Variants in INTS13 observed in about 807,000 individuals in gnomAD.
INTS13 encodes integrator complex subunit 13.
A neutral mutation model predicts 90.2 loss-of-function variants in INTS13; 35 were observed. That is an observed-to-expected ratio of 0.39 (90% CI 0.30 to 0.51). The LOEUF (loss-of-function observed/expected upper bound fraction) is 0.51, where lower values mean the gene tolerates loss of function less well. Among genes scored for constraint, INTS13 ranks in the 20% least tolerant of loss-of-function variants. INTS13 has a pLI of 0.80. For missense variants in INTS13, 601 were observed against 851.2 expected (o/e 0.71, Z 3.66); for synonymous variants, 309 against 277.1 (o/e 1.11, Z -1.14).
At chr12:26,915,154 A>G (rs1951896063) in intron 11 of INTS13, among the ~76,000 whole-genome samples, 1 of 152,184 alleles carries the variant, frequency 6.6e-6, no homozygotes, top group Non-Finnish European at 1.5e-5. Flanking sequence ...TAAACCCAGG[A>G]GGCAGAGGTT....
chr12:26,910,206 T>A (rs1951732293), intron 15 of INTS13, among the ~76,000 whole-genome samples: 2 of 152,222 alleles, frequency 1.3e-5, no homozygotes, highest in Non-Finnish European at 2.9e-5. Context: ...ATATTACATA[T>A]TTCTAGGTTT....
At position 26,906,323 on chromosome 12, in the gene INTS13, T is replaced by G. The variant is rs1325957211; in HGVS notation, c.2060A>C (p.Gln687Pro). 1.2e-6 allele frequency: 2 copies of G among 1,603,916 alleles called. No homozygotes were observed. The highest frequency in any genetic ancestry group is 1.7e-6 in the Non-Finnish European group (2 of 1,176,900). The part of the protein sequence containing the change: ...NSVNNRAELY[Q>P]HLKEENGMET... ...AAACCCATTTTCCTCTTTAAGATGT[T>G]GATATAGTTCAGCTCTGTTATTAAC... The change falls in exon 16 of 17, where the codon CAA becomes CCA. Residue 687 changes from glutamine to proline, a missense_variant. Physicochemically the swap from Gln to Pro is moderately conservative, Grantham distance 76 (BLOSUM62 -1). Around this residue, in one of 3 missense-constraint regions of INTS13, gnomAD observed 228 missense variants for 272.5 expected, o/e 0.84. Transcript: ENST00000261191.
chr12:26,912,876 C>T (rs961614226), intron 14 of INTS13, among the ~76,000 whole-genome samples: 3 of 152,028 alleles, frequency 2.0e-5, no homozygotes, highest in Non-Finnish European at 2.9e-5. Context: ...TACAGGCATG[C>T]ACCCCCATAC....
intron 10 of INTS13, among the ~76,000 whole-genome samples, chr12:26,916,788 T>A (rs532987262): frequency 6.6e-6 from 1 of 152,272 alleles, no homozygotes; most frequent in South Asian, 2.1e-4. Context: ...TAATTTGGAA[T>A]CAAATAATTA....
intron 15 of INTS13, among the ~76,000 whole-genome samples, chr12:26,910,690 AT>A (rs1273107790): frequency 6.6e-6 from 1 of 152,106 alleles, no homozygotes; most frequent in African/African-American, 2.4e-5. Flanking sequence ...AGTCTTGGGT[AT>A]TTTTATCTTT....
At chr12:26,914,258 C>T (rs957897534) in intron 12 of INTS13, 130 bp from the exon 13 acceptor site, 4 of 1,186,050 alleles carry the variant, frequency 3.4e-6, no homozygotes, top group South Asian at 3.5e-5. Flanking sequence ...ACTATCACTT[C>T]AATTTTTAAT....
chr12:26,916,759 G>T (rs963467235), intron 10 of INTS13, among the ~76,000 whole-genome samples: 1 of 152,106 alleles, frequency 6.6e-6, no homozygotes, highest in Non-Finnish European at 1.5e-5. Flanking sequence ...ATGATCATAA[G>T]AATTACCAGA....
upstream of INTS13, chr12:26,938,120 A>T (rs771790009): frequency 1.3e-5 from 2 of 152,436 alleles, no homozygotes; most frequent in African/African-American, 4.8e-5. Context: ...GGGCGGGGCC[A>T]AGGAGGAAAA....
chr12:26,905,585 A>G, intron 16 of INTS13, 49 bp from the exon 17 acceptor site: 1 of 1,524,508 alleles, frequency 6.6e-7, no homozygotes, highest in Non-Finnish European at 9.0e-7. Flanking sequence ...ATTCATTAAC[A>G]TTTTGTCTCC....
chr12:26,906,170 T>C, intron 16 of INTS13, 132 bp downstream of exon 16: 1 of 853,270 alleles, frequency 1.2e-6, no homozygotes, highest in Non-Finnish European at 1.8e-6. Context: ...TAATTTTTTC[T>C]GCTTATGGGG....
In INTS13 at chr12:26,905,415, C is replaced by A. The variant is rs1951574691; in HGVS notation, c.*82G>T. The A allele has an allele frequency of 7.9e-7, 1 of 1,271,772 alleles. No individual in the cohort carries two copies. The highest frequency in any genetic ancestry group is 1.3e-5 in the South Asian group (1 of 77,352). The allele number at this position is 1,271,772 out of a possible 1,614,324, so 78.8% of individuals were successfully genotyped here. ...ACCAGTCCAGGCAACATAACTATAC[C>A]ATCTTGCTGTAAAAGTACTTATATC... is the stretch of plus-strand genomic sequence containing the variant. On this transcript the variant is annotated 3_prime_UTR_variant, in exon 17 of 17. Coordinates refer to ENST00000261191, the MANE Select transcript of INTS13 (RefSeq NM_018164.3).
At chr12:26,916,244 A>G in intron 10 of INTS13, 64 bp from the exon 11 acceptor site, 2 of 1,357,422 alleles carry the variant, frequency 1.5e-6, no homozygotes, top group Admixed American at 2.3e-5. Context: ...TATTTCCTTG[A>G]GATTTATGTC....
chr12:26,935,891 C>T (rs146969215), intron 2 of INTS13, among the ~76,000 whole-genome samples: 334 of 152,204 alleles, frequency 2.2e-3, no homozygotes, highest in Non-Finnish European at 3.4e-3. Flanking sequence ...AATGACTTTC[C>T]CAAAATAAGA....
chr12:26,916,232 TTTATTTCC>T, intron 10 of INTS13, 52 bp from the exon 11 acceptor site: 1 of 1,409,604 alleles, frequency 7.1e-7, no homozygotes, highest in Non-Finnish European at 9.6e-7. Flanking sequence ...TGGGCTCTCA[TTTATTTCC>T]TTGAGATTTA....
chr12:26,928,405 T>C (rs1938004951), intron 4 of INTS13, 120 bp from the exon 5 acceptor site: 7 of 808,518 alleles, frequency 8.7e-6, no homozygotes, highest in South Asian at 5.0e-5. Context: ...CTAAGGACTA[T>C]CTTTAGTGTG....
At position 26,914,409 on chromosome 12, in the gene INTS13, G is replaced by A. The variant is rs756985976; in HGVS notation, c.1418C>T (p.Ala473Val). The A allele has an allele frequency of 1.1e-5, 18 of 1,611,546 alleles. No homozygotes were observed. Among genetic ancestry groups the A allele is most frequent in the Non-Finnish European group, 1.5e-5 (18 of 1,179,192 alleles). The change falls in exon 12 of 17, where the codon GCG becomes GTG. Residue 473 changes from alanine (A) to valine (V), a missense_variant and splice_region_variant. Ala to Val is a moderately conservative substitution (Grantham distance 64). Transcript: ENST00000261191. ...ISQTTIFNMQAVVPLASVIVK... is the reference protein window; with the variant it reads ...ISQTTIFNMQVVVPLASVIVK... The stretch of plus-strand genomic sequence containing the variant: ...AAGTTGAAGCTACTTAACACTTACC[G>A]CTTGCATGTTAAAAATGGTGGTTTG...
At chr12:26,910,241 T>C (rs775686884) in intron 15 of INTS13, among the ~76,000 whole-genome samples, 3 of 152,100 alleles carry the variant, frequency 2.0e-5, no homozygotes, top group African/African-American at 2.4e-5. Context: ...GTCAAAAGAG[T>C]TTGTATTCAA....
At chr12:26,919,099 C>T (rs570288966) in intron 8 of INTS13, 19 of 343,438 alleles carry the variant, frequency 5.5e-5, no homozygotes, top group South Asian at 2.3e-4. Flanking sequence ...CCCGAGGGGT[C>T]GATGCTGCAG....
Position 26,914,146 on chromosome 12 carries a change from A to C in INTS13, c.1420-18T>G. 6.5e-7 allele frequency: 1 copy of C among 1,541,450 alleles called. No individual in the cohort carries two copies. Among genetic ancestry groups the C allele is most frequent in the Non-Finnish European group, 8.7e-7 (1 of 1,149,336 alleles). Reference sequence around the variant, plus strand: ...GGAACTACCTGTTAGATTTTTTTTAAAGAAAAAAGAAAATCTGTCTTGAAA... The same window carrying C: ...GGAACTACCTGTTAGATTTTTTTTACAGAAAAAAGAAAATCTGTCTTGAAA... On this transcript the variant is annotated intron_variant, in intron 12 of 16. Coordinates refer to ENST00000261191, the MANE Select transcript of INTS13 (RefSeq NM_018164.3).
Sources: allele counts gnomAD v4.1 joint callset (sites outside exome capture counted in the v4.1 genomes callset), GRCh38; gene constraint gnomAD v4.1.1; regional missense constraint gnomAD v4.1.1; transcripts MANE v1.5; gene names NCBI Gene and HGNC (gene_info 2026-07-23, HGNC 2026-07-21).